MAP3K19: variants seen among roughly 807,000 people sequenced by gnomAD.
The protein encoded by MAP3K19 is mitogen-activated protein kinase kinase kinase 19.
A neutral mutation model predicts 114.4 loss-of-function variants in MAP3K19; 91 were observed. The observed-to-expected ratio is 0.80, with a 90% confidence interval of 0.67 to 0.95. MAP3K19 has a LOEUF of 0.95. Among genes scored for constraint, MAP3K19 ranks in the 40% least tolerant of loss-of-function variants. The probability of loss-of-function intolerance (pLI) is 0.00; values close to 1 mark genes in which losing one functional copy is unlikely to be tolerated. For missense variants in MAP3K19, 1,471 were observed against 1,573.2 expected, an observed-to-expected ratio of 0.94 and a Z score of 1.10; for synonymous variants, 518 against 530.5, an observed-to-expected ratio of 0.98 and a Z score of 0.32.
At position 135,042,501 on chromosome 2, in the gene MAP3K19, C is replaced by CAAA. The variant is rs1168430275; in HGVS notation, c.-423-2002_-423-2000dup. Among the ~76,000 whole-genome samples the CAAA allele has an allele frequency of 4.9e-4, 29 of 58,776 alleles. 1 individual carries two copies. Among genetic ancestry groups the CAAA allele is most frequent in the Non-Finnish European group, 1.6e-4 (4 of 25,744 alleles). 38.6% of individuals were successfully genotyped at this position (58,776 alleles called of 152,430 possible). A position where few individuals can be genotyped will look rare whatever the true frequency, so the allele number is the denominator to read the frequency against. ...TGGGCGACAGAGCGAGACTCTGTCT[C>CAAA]AAAAAAAAAAAAAAAAAAGAAAAAA... On this transcript the variant is annotated intron_variant, in intron 1 of 12. Coordinates refer to ENST00000392915, the MANE Select transcript of MAP3K19 (RefSeq NM_025052.5).
At chr2:134,966,643 A>G (rs1683374236) in intron 12 of MAP3K19, among the ~76,000 whole-genome samples, 1 of 152,148 alleles carries the variant, frequency 6.6e-6, no homozygotes, top group Admixed American at 6.5e-5. Context: ...GCTAATGAGG[A>G]GCTCTGTGCC....
chr2:135,040,177 C>T (rs10174944), intron 2 of MAP3K19, among the ~76,000 whole-genome samples, 186 bp downstream of exon 2: 40,371 of 152,020 alleles, frequency 0.27, 7,232 homozygotes, highest in African/African-American at 0.49. Flanking sequence ...ATTTGTGGAC[C>T]GAGTGAGGAA....
chr2:134,981,310 G>T lies in MAP3K19; in HGVS notation c.3431C>A (p.Pro1144His). The change falls in exon 12 of 13, where the codon CCT becomes CAT. Residue 1144 changes from proline to histidine, a missense_variant. Coordinates refer to ENST00000392915, the MANE Select transcript of MAP3K19 (RefSeq NM_025052.5). Reference protein sequence around the residue: ...NTVSIFMEFVPGGSISSIINR... With the variant: ...NTVSIFMEFVHGGSISSIINR... ...TATAATACTAGAGATTGAGCCACCA[G>T]GAACAAACTCCATGAAAATGCTCAC... The T allele has an allele frequency of 6.2e-7, 1 of 1,614,210 alleles. No individual in the cohort carries two copies. Among genetic ancestry groups the T allele is most frequent in the Non-Finnish European group, 8.5e-7 (1 of 1,180,048 alleles).
chr2:135,031,211 A>T (rs977142189), intron 2 of MAP3K19, among the ~76,000 whole-genome samples: 1 of 151,880 alleles, frequency 6.6e-6, no homozygotes, highest in Non-Finnish European at 1.5e-5. Context: ...TAACAAGAGA[A>T]GTGAATACAG....
At chr2:135,009,792 G>A (rs977062367) in intron 5 of MAP3K19, among the ~76,000 whole-genome samples, 1 of 151,828 alleles carries the variant, frequency 6.6e-6, no homozygotes, top group Admixed American at 6.6e-5. Flanking sequence ...TTTTTTGTGT[G>A]AAAAATCAGA....
At chr2:135,032,937 C>T (rs2104787598) in intron 2 of MAP3K19, among the ~76,000 whole-genome samples, 1 of 141,918 alleles carries the variant, frequency 7.0e-6, no homozygotes, top group East Asian at 2.1e-4. Flanking sequence ...GGGGTAAGGT[C>T]ACGGATCAAC....
In MAP3K19 at chr2:134,964,932, C is replaced by A; in HGVS notation, c.3921-16G>T. On this transcript the variant is annotated splice_polypyrimidine_tract_variant and intron_variant, in intron 12 of 12. Transcript: ENST00000392915. ...ATGCTGGTCCCTAAGAAGGGAAAAA[C>A]ACATTAGAAGCAGCAGCACTCAGTA... The A allele has an allele frequency of 6.2e-7, 1 of 1,603,608 alleles. No homozygotes were observed. Among genetic ancestry groups the A allele is most frequent in the Non-Finnish European group, 8.5e-7 (1 of 1,171,818 alleles).
At position 134,998,929 on chromosome 2, in the gene MAP3K19, G is replaced by A. The variant is rs151112282; in HGVS notation, c.383C>T (p.Thr128Met). Reference protein sequence around the residue: ...HAVSHPNEIETVELRKKKLTM... With the variant: ...HAVSHPNEIEMVELRKKKLTM... Reference sequence around the variant, plus strand: ...CAGCTTCTTTTTCCTGAGCTCCACCGTTTCTATTTCATTTGGATGAGAAAC... The same window carrying A: ...CAGCTTCTTTTTCCTGAGCTCCACCATTTCTATTTCATTTGGATGAGAAAC... The change falls in exon 8 of 13, where the codon ACG becomes ATG. Residue 128 changes from threonine (T) to methionine (M), a missense_variant. Coordinates refer to ENST00000392915, the MANE Select transcript of MAP3K19 (RefSeq NM_025052.5). The A allele has an allele frequency of 9.5e-4, 1,531 of 1,614,078 alleles. 4 individuals carry two copies. Among genetic ancestry groups the A allele is most frequent in the East Asian group, 2.1e-3 (93 of 44,884 alleles).
intron 2 of MAP3K19, among the ~76,000 whole-genome samples, chr2:135,033,765 A>C (rs1688454217): frequency 1.4e-5 from 1 of 73,482 alleles, no homozygotes; most frequent in Non-Finnish European, 2.4e-5. Context: ...ACTTCCCAGT[A>C]GGGGTGGCCG....
chr2:135,038,732 C>T (rs79939165), intron 2 of MAP3K19, among the ~76,000 whole-genome samples: 17,571 of 151,880 alleles, frequency 0.12, 1,312 homozygotes, highest in South Asian at 0.32. Context: ...GTGGTGCACA[C>T]CTGTAATCCC....
intron 5 of MAP3K19, among the ~76,000 whole-genome samples, chr2:135,021,306 T>C (rs766592043): frequency 1.9e-4 from 29 of 152,282 alleles, no homozygotes; most frequent in Non-Finnish European, 3.1e-4. Context: ...AGTGAGCATA[T>C]GAGAGGTTGG....
intron 6 of MAP3K19, among the ~76,000 whole-genome samples, chr2:135,000,797 T>C (rs1041654670): frequency 1.3e-5 from 2 of 152,210 alleles, no homozygotes; most frequent in Admixed American, 6.5e-5. Context: ...TATTCATTTC[T>C]ATCCATTTAT....
chr2:135,031,525 C>A (rs1688380696), intron 2 of MAP3K19, among the ~76,000 whole-genome samples: 1 of 152,196 alleles, frequency 6.6e-6, no homozygotes, highest in African/African-American at 2.4e-5. Flanking sequence ...ACCTGACAAA[C>A]CCCTCTGAGG....
chr2:134,985,274 A>G (rs1685013840), intron 10 of MAP3K19, among the ~76,000 whole-genome samples: 1 of 152,256 alleles, frequency 6.6e-6, no homozygotes, highest in Admixed American at 6.5e-5. Context: ...CCAGAAGCAC[A>G]GTAGGCATCA....
Position 134,964,526 on chromosome 2 carries a change from A to G in MAP3K19, c.*324T>C, listed in dbSNP as rs1683213198. The G allele has an allele frequency of 5.7e-6, 1 of 176,108 alleles. No homozygotes were observed. The highest frequency in any genetic ancestry group is 6.2e-5 in the Admixed American group (1 of 16,174). 10.9% of individuals were successfully genotyped at this position (176,108 alleles called of 1,614,324 possible). On this transcript the variant is annotated 3_prime_UTR_variant, in exon 13 of 13. Transcript: ENST00000392915. ...AATTTATTTTAAACTAACAACATTA[A>G]AATTGACAGGACAGGCCAAAAATAA...
At chr2:135,022,028 G>C (rs1406137328) in intron 4 of MAP3K19, among the ~76,000 whole-genome samples, 198 bp from the exon 5 acceptor site, 1 of 149,306 alleles carries the variant, frequency 6.7e-6, no homozygotes, top group Non-Finnish European at 1.5e-5. Flanking sequence ...GGAGTGGATG[G>C]CTTACTATTT....
At chr2:135,001,575 T>C (rs1867837) in intron 6 of MAP3K19, among the ~76,000 whole-genome samples, 6,372 of 152,320 alleles carry the variant, frequency 0.042, 158 homozygotes, top group African/African-American at 0.055. Flanking sequence ...ATTTTTGTAG[T>C]TATCCTTGAG....
At position 134,987,910 on chromosome 2, in the gene MAP3K19, A is replaced by G. The variant is rs1685280837; in HGVS notation, c.962T>C (p.Ile321Thr). 1.2e-6 allele frequency: 2 copies of G among 1,614,030 alleles called. No homozygotes were observed. The highest frequency in any genetic ancestry group is 1.7e-5 in the Admixed American group (1 of 60,004). Reference protein sequence around the residue: ...KEIEECNKIEITHFEKGQSLV... With the variant: ...KEIEECNKIETTHFEKGQSLV... ...AGACTGCCCTTTTTCAAAGTGAGTGATTTCAATTTTGTTACATTCTTCTAT... is the reference window on the plus strand; with the variant it reads ...AGACTGCCCTTTTTCAAAGTGAGTGGTTTCAATTTTGTTACATTCTTCTAT... The change falls in exon 10 of 13, where the codon ATC becomes ACC. Residue 321 changes from isoleucine to threonine, a missense_variant. Coordinates refer to ENST00000392915, the MANE Select transcript of MAP3K19 (RefSeq NM_025052.5).
rs774388261 is a variant in MAP3K19 at position 134,988,047 on chromosome 2, C to A, written c.825G>T (p.Pro275=). ...TGAAGCCATCAGAAGACCTGAGAGT[C>A]GGATCCATCAACGACTTAACTAGGG... ...PGALVKSLMD[P]TLRSSDGFIW... The change falls in exon 10 of 13, where the codon CCG becomes CCT. Residue 275 remains proline, a synonymous_variant. Coordinates refer to ENST00000392915, the MANE Select transcript of MAP3K19 (RefSeq NM_025052.5). 6.2e-7 allele frequency: 1 copy of A among 1,613,788 alleles called. No homozygotes were observed. The highest frequency in any genetic ancestry group is 8.5e-7 in the Non-Finnish European group (1 of 1,179,850).
Sources: gnomAD v4.1 joint callset for allele counts (sites outside exome capture counted in the v4.1 genomes callset) on GRCh38, gnomAD v4.1.1 for gene constraint, MANE v1.5 for transcripts, NCBI Gene and HGNC (gene_info 2026-07-23, HGNC 2026-07-21) for gene names.